Variants in CPVL observed in about 807,000 individuals in gnomAD.
CPVL encodes the protein carboxypeptidase vitellogenic like, also known as probable serine carboxypeptidase CPVL.
In CPVL, 51 loss-of-function variants were observed where a neutral mutation model predicts 63.7. That is an observed-to-expected ratio of 0.80 (90% CI 0.64 to 1.01). The LOEUF (loss-of-function observed/expected upper bound fraction) is 1.01. CPVL is among the 50% of genes least tolerant of loss of function. The pLI is 0.00. For synonymous variants in CPVL, 195 were observed against 206.0 expected (o/e 0.95, Z 0.46); for missense variants, 530 against 573.1 (o/e 0.92, Z 0.77).
intron 7 of CPVL, among the ~76,000 whole-genome samples, chr7:29,076,722 A>G (rs62442646): frequency 0.031 from 4,660 of 152,306 alleles, 79 homozygotes; most frequent in African/African-American, 0.05. Flanking sequence ...CAGAGGTATT[A>G]GGGTGTGTTT....
chr7:29,046,929 G>C (rs1227627504), intron 11 of CPVL, among the ~76,000 whole-genome samples: 1 of 152,130 alleles, frequency 6.6e-6, no homozygotes, highest in African/African-American at 2.4e-5. Context: ...TAATGCTGCT[G>C]ATTAAGACTA....
intron 1 of CPVL, chr7:29,122,571 C>T (rs980132598): frequency 1.3e-5 from 2 of 152,110 alleles, no homozygotes; most frequent in Non-Finnish European, 2.9e-5. Context: ...GATTCAGAAG[C>T]CTGACTAAAA....
At chr7:29,099,240 T>C (rs1277439853) in intron 3 of CPVL, among the ~76,000 whole-genome samples, 2 of 135,542 alleles carry the variant, frequency 1.5e-5, no homozygotes, top group Non-Finnish European at 3.1e-5. Context: ...GAGGAATTTG[T>C]AGATGGCTTG....
intron 12 of CPVL, among the ~76,000 whole-genome samples, chr7:29,019,870 T>A (rs143232334): frequency 6.6e-6 from 1 of 152,204 alleles, no homozygotes; most frequent in African/African-American, 2.4e-5. Context: ...AAATCACCTA[T>A]ACAAAATGCA....
intron 5 of CPVL, among the ~76,000 whole-genome samples, chr7:29,153,907 A>T (rs1306562687): frequency 2.0e-5 from 3 of 152,074 alleles, no homozygotes; most frequent in Non-Finnish European, 4.4e-5. Flanking sequence ...TCTTTTCTCT[A>T]GCTTACTTTC....
intron 1 of CPVL, among the ~76,000 whole-genome samples, chr7:29,136,293 GA>G (rs1227172822): frequency 6.6e-6 from 1 of 152,110 alleles, no homozygotes; most frequent in African/African-American, 2.4e-5. Flanking sequence ...ATCCAAAGAG[GA>G]AATTTTTAAG....
At chr7:29,182,165 A>C (rs1394834568) in intron 4 of CPVL, among the ~76,000 whole-genome samples, 1 of 152,246 alleles carries the variant, frequency 6.6e-6, no homozygotes, top group Non-Finnish European at 1.5e-5. Flanking sequence ...CTGCAAATGC[A>C]TATGCAAATG....
chr7:29,190,406 TAA>T (rs1449182936), intron 1 of CPVL, among the ~76,000 whole-genome samples: 3 of 152,178 alleles, frequency 2.0e-5, no homozygotes, highest in African/African-American at 7.2e-5. Context: ...TGACCTTCAC[TAA>T]AAAACACTCC....
chr7:28,997,462 A>G (rs1420807683), intron 12 of CPVL, among the ~76,000 whole-genome samples: 1 of 152,206 alleles, frequency 6.6e-6, no homozygotes, highest in East Asian at 1.9e-4. Context: ...AACACCCTCC[A>G]TCTTACAACC....
intron 5 of CPVL, among the ~76,000 whole-genome samples, chr7:29,158,963 C>A (rs751334564): frequency 1.3e-5 from 2 of 152,162 alleles, no homozygotes; most frequent in African/African-American, 4.8e-5. Context: ...AGATACCCTG[C>A]GGCAATCGAA....
intron 5 of CPVL, among the ~76,000 whole-genome samples, chr7:29,176,343 C>T (rs1445701144): frequency 2.0e-5 from 3 of 151,898 alleles, no homozygotes; most frequent in Non-Finnish European, 4.4e-5. Flanking sequence ...GCTTCAGATT[C>T]CCCCAAACAG....
At chr7:29,052,552 A>G (rs544667454) in intron 11 of CPVL, among the ~76,000 whole-genome samples, 11 of 152,270 alleles carry the variant, frequency 7.2e-5, no homozygotes, top group African/African-American at 2.2e-4. Flanking sequence ...AAGAAAATAA[A>G]AAGACAACCC....
chr7:29,147,087 T>A, upstream of CPVL: 1 of 1,313,900 alleles, frequency 7.6e-7, no homozygotes, highest in Non-Finnish European at 1.0e-6. Flanking sequence ...ACAAACTAAG[T>A]GAGGTTAAGT....
chr7:29,038,850 G>A (rs1788795496), intron 11 of CPVL, among the ~76,000 whole-genome samples: 1 of 152,190 alleles, frequency 6.6e-6, no homozygotes, highest in Non-Finnish European at 1.5e-5. Flanking sequence ...AAGGGAAGTG[G>A]CCTTTTGTCT....
At chr7:29,189,562 C>T (rs1253018945) in intron 1 of CPVL, among the ~76,000 whole-genome samples, 1 of 152,100 alleles carries the variant, frequency 6.6e-6, no homozygotes, top group Non-Finnish European at 1.5e-5. Flanking sequence ...TGTTTGTAAC[C>T]TGAAGTGTCA....
rs34942216 is a variant in CPVL at position 29,183,081 on chromosome 7, C to CTT, written c.-134+1338_-134+1339dup. Among the ~76,000 whole-genome samples the CTT allele has an allele frequency of 1.4e-3, 183 of 131,882 alleles. 1 individual carries two copies. Among genetic ancestry groups the CTT allele is most frequent in the Middle Eastern group, 0.012 (3 of 250 alleles). The allele number at this position is 131,882 out of a possible 152,430, so 86.5% of individuals were successfully genotyped here. On this transcript the variant is annotated intron_variant, in intron 4 of 16. Transcript: ENST00000409850. ...GAAGGCAACTGGAAAACATGGCAGA[C>CTT]TTTTTTTTTTTTTTTTTTTTGAAAC...
At chr7:28,996,823 TG>T (rs1449324700) in intron 12 of CPVL, among the ~76,000 whole-genome samples, 1 of 152,114 alleles carries the variant, frequency 6.6e-6, no homozygotes, top group African/African-American at 2.4e-5. Flanking sequence ...AAAATGGGCA[TG>T]TAGTGCACTT....
rs140997671 is a variant in CPVL, at chr7:29,180,115, G to A, written c.-11+1175C>T. On this transcript the variant is annotated intron_variant, in intron 5 of 16. Coordinates refer to the CPVL transcript ENST00000409850. The stretch of plus-strand genomic sequence containing the variant: ...ACATGTGTTTCATTCTTAATATTCC[G>A]AAGTCAATCTGTTCCCCAATAGTTT... Among the ~76,000 whole-genome samples, 774 of 152,144 alleles carry A rather than the reference G, an allele frequency of 5.1e-3. 4 individuals are homozygous for A. Among genetic ancestry groups the A allele is most frequent in the Non-Finnish European group, 7.3e-3 (497 of 68,016 alleles).
chr7:29,182,875 T>C (rs1194880516), intron 4 of CPVL, among the ~76,000 whole-genome samples: 2 of 152,132 alleles, frequency 1.3e-5, no homozygotes, highest in African/African-American at 4.8e-5. Flanking sequence ...GTGTGGAAAA[T>C]CATGACAGCC....
Sources: allele counts gnomAD v4.1 joint callset (sites outside exome capture counted in the v4.1 genomes callset), GRCh38; gene constraint gnomAD v4.1.1; transcripts MANE v1.5; gene names NCBI Gene and HGNC (gene_info 2026-07-23, HGNC 2026-07-21).